Variants in CNTNAP3 observed in about 807,000 individuals in gnomAD.
The protein encoded by CNTNAP3 is contactin associated protein family member 3, also known as contactin-associated protein-like 3.
In CNTNAP3, 36 loss-of-function variants were observed where a neutral mutation model predicts 92.1. The ratio of observed to expected loss-of-function variants is 0.39; its 90% CI spans 0.30 to 0.52. The LOEUF is 0.52. Ranked by LOEUF, CNTNAP3 falls within the 20% of genes least tolerant of loss-of-function variation. CNTNAP3 has a pLI of 0.76. For synonymous variants in CNTNAP3, 232 were observed against 422.3 expected, an observed-to-expected ratio of 0.55 and a Z score of 5.53; for missense variants, 534 against 1,069.6, an observed-to-expected ratio of 0.50 and a Z score of 6.98.
At chr9:39,128,503 G>C (rs1456743222) in intron 13 of CNTNAP3, among the ~76,000 whole-genome samples, 1 of 151,434 alleles carries the variant, frequency 6.6e-6, no homozygotes, top group East Asian at 1.9e-4. Flanking sequence ...AAAGACATTT[G>C]ACAAAAATCC....
intron 20 of CNTNAP3, 79 bp downstream of exon 20, chr9:39,086,637 T>TTTAA (rs1587699362): frequency 6.9e-7 from 1 of 1,439,628 alleles, no homozygotes; most frequent in African/African-American, 1.5e-5. Flanking sequence ...TCTATTAATA[T>TTTAA]TATCAAATTT....
At position 39,066,577 on chromosome 9, in the gene CNTNAP3, G is replaced by A. The variant is rs1381469510; in HGVS notation, c.*7313C>T. Among the ~76,000 whole-genome samples the A allele has an allele frequency of 6.6e-6, 1 of 152,232 alleles. No individual in the cohort carries two copies. Among genetic ancestry groups the A allele is most frequent in the Non-Finnish European group, 1.5e-5 (1 of 68,036 alleles). On this transcript the variant is annotated 3_prime_UTR_variant, in exon 24 of 24. Transcript: ENST00000297668. ...TATTACTTTTAACTTTTCTATGTCT[G>A]AAAAATATCTTTGTTTCATCCTTTC...
chr9:39,086,598 T>C (rs1261299706), intron 20 of CNTNAP3, 118 bp downstream of exon 20: 14 of 1,304,258 alleles, frequency 1.1e-5, no homozygotes, highest in South Asian at 1.6e-5. Flanking sequence ...TCTTGACTTA[T>C]GGAAGAGCAG....
chr9:39,083,574 G>A (rs1375570296), intron 21 of CNTNAP3, among the ~76,000 whole-genome samples: 2 of 151,474 alleles, frequency 1.3e-5, no homozygotes, highest in Admixed American at 6.6e-5. Flanking sequence ...CAGGAGAATC[G>A]TGTGAACCTG....
At chr9:39,124,205 T>C (rs1272901336) in intron 13 of CNTNAP3, among the ~76,000 whole-genome samples, 1 of 152,126 alleles carries the variant, frequency 6.6e-6, no homozygotes, top group African/African-American at 2.4e-5. Flanking sequence ...TGAAGTGGAA[T>C]AGTGTTGTTT....
intron 21 of CNTNAP3, chr9:39,084,912 C>A (rs1459811930): frequency 6.6e-6 from 1 of 150,828 alleles, no homozygotes; most frequent in Non-Finnish European, 1.5e-5. Context: ...GATTTTTATA[C>A]CGTAAGTTAC....
At chr9:39,104,095 T>C (rs1378696050) in intron 15 of CNTNAP3, among the ~76,000 whole-genome samples, 181 bp from the exon 16 acceptor site, 3 of 152,100 alleles carry the variant, frequency 2.0e-5, no homozygotes, top group East Asian at 1.9e-4. Flanking sequence ...ATGGTGATTA[T>C]GGTGAGGATT....
chr9:39,070,359 G>A lies in CNTNAP3; in HGVS notation c.*3531C>T, dbSNP rs1161923088. On this transcript the variant is annotated 3_prime_UTR_variant, in exon 24 of 24. Transcript: ENST00000297668. Reference sequence around the variant, plus strand: ...AAGAGAATGAGATCCTGTCACTTGCGACAGCATGGATGGAACTGGAGGTCA... The same window carrying A: ...AAGAGAATGAGATCCTGTCACTTGCAACAGCATGGATGGAACTGGAGGTCA... 3.0e-5 allele frequency among the ~76,000 whole-genome samples: 4 copies of A among 131,868 alleles called. No individual in the cohort carries two copies. The highest frequency in any genetic ancestry group is 5.2e-4 in the South Asian group (2 of 3,838). 86.5% of individuals were successfully genotyped at this position (131,868 alleles called of 152,430 possible). A position where few individuals can be genotyped will look rare whatever the true frequency, so the allele number is the denominator to read the frequency against.
chr9:39,086,690 T>G lies in CNTNAP3; in HGVS notation c.3354+26A>C, dbSNP rs200008891. ...TTCTTAAAATAATAATATTAGTTAG[T>G]TTGACTTTTGCATTTGTGGGATTAC... On this transcript the variant is annotated intron_variant, in intron 20 of 23. Coordinates refer to ENST00000297668, the MANE Select transcript of CNTNAP3 (RefSeq NM_033655.5). 8,048 of 1,602,916 alleles carry G rather than the reference T, an allele frequency of 5.0e-3. 364 individuals carry two copies. In the South Asian group the frequency reaches 0.066, roughly 13 times the overall value.
intron 15 of CNTNAP3, among the ~76,000 whole-genome samples, chr9:39,105,954 G>A (rs1455278243): frequency 2.6e-5 from 4 of 151,746 alleles, no homozygotes; most frequent in Non-Finnish European, 5.9e-5. Context: ...GGATACCTCC[G>A]TTTTTAACCC....
rs1554651724 is a variant in CNTNAP3 at position 39,159,411 on chromosome 9, A to ATTTT, written c.1477+6518_1477+6521dup. On this transcript the variant is annotated intron_variant, in intron 9 of 23. Transcript: ENST00000297668. ...TAAAAAACATTTTATATATATATAT[A>ATTTT]TTTTTTTTTCCAGTGATTATCCTGC... 5.3e-3 allele frequency: 687 copies of ATTTT among 129,292 alleles called. 8 individuals are homozygous for ATTTT. The highest frequency in any genetic ancestry group is 0.019 in the African/African-American group (659 of 34,356). The allele number at this position is 129,292 out of a possible 1,614,324, so 8.0% of individuals were successfully genotyped here.
At position 39,064,912 on chromosome 9, in the gene CNTNAP3, A is replaced by C. The variant is rs1825478972; in HGVS notation, c.*8978T>G. On this transcript the variant is annotated 3_prime_UTR_variant, in exon 24 of 24. Coordinates refer to ENST00000297668, the MANE Select transcript of CNTNAP3 (RefSeq NM_033655.5). ...TTCCATTATGTAAATATGGTATGATAGAAATATAATATGCTGTGAAGTGAT... is the reference window on the plus strand; with the variant it reads ...TTCCATTATGTAAATATGGTATGATCGAAATATAATATGCTGTGAAGTGAT... 6.6e-6 allele frequency among the ~76,000 whole-genome samples: 1 copy of C among 152,048 alleles called. No individual in the cohort carries two copies. Among genetic ancestry groups the C allele is most frequent in the East Asian group, 1.9e-4 (1 of 5,198 alleles).
At chr9:39,116,011 C>T (rs559723661) in intron 14 of CNTNAP3, among the ~76,000 whole-genome samples, 12 of 152,006 alleles carry the variant, frequency 7.9e-5, no homozygotes, top group Non-Finnish European at 1.3e-4. Flanking sequence ...AAAAATTAGC[C>T]GGGTGTGGCA....
At chr9:39,127,081 A>C in intron 13 of CNTNAP3, among the ~76,000 whole-genome samples, 1 of 152,146 alleles carries the variant, frequency 6.6e-6, no homozygotes, top group East Asian at 1.9e-4. Flanking sequence ...TAATGGAATC[A>C]AACTGGAAAT....
chr9:39,099,669 A>G (rs925087019), intron 18 of CNTNAP3: 2 of 749,484 alleles, frequency 2.7e-6, no homozygotes, highest in African/African-American at 3.5e-5. Flanking sequence ...TTAGCATTGA[A>G]CAGATGCTAG....
chr9:39,166,277 ACT>A (rs1166998949), intron 8 of CNTNAP3, among the ~76,000 whole-genome samples: 1 of 24,494 alleles, frequency 4.1e-5, no homozygotes, highest in African/African-American at 1.5e-4. Flanking sequence ...TAAAAATATT[ACT>A]CTTTCTGAAG....
intron 19 of CNTNAP3, among the ~76,000 whole-genome samples, chr9:39,088,066 T>C (rs1826103095): frequency 6.6e-6 from 1 of 152,108 alleles, no homozygotes; most frequent in South Asian, 2.1e-4. Context: ...TCTATTTTGC[T>C]TAGAATGAGG....
At chr9:39,099,003 C>T (rs1436351305) in intron 18 of CNTNAP3, among the ~76,000 whole-genome samples, 1 of 151,222 alleles carries the variant, frequency 6.6e-6, no homozygotes, top group East Asian at 1.9e-4. Flanking sequence ...AAGACGGAGT[C>T]TCACTCTGCC....
Position 39,149,997 on chromosome 9 carries a change from T to C in CNTNAP3, c.1478-20A>G. 6.2e-7 allele frequency: 1 copy of C among 1,611,352 alleles called. No individual in the cohort carries two copies. The highest frequency in any genetic ancestry group is 1.1e-5 in the South Asian group (1 of 90,910). ...GGCAGCCTAAATATGAAGACAAAAA[T>C]AGGACAAAAGCAACAACTATGACAA... On this transcript the variant is annotated intron_variant, in intron 9 of 23. Coordinates refer to ENST00000297668, the MANE Select transcript of CNTNAP3 (RefSeq NM_033655.5).
Sources: gnomAD v4.1 joint callset for allele counts (sites outside exome capture counted in the v4.1 genomes callset) on GRCh38, gnomAD v4.1.1 for gene constraint, MANE v1.5 for transcripts, NCBI Gene and HGNC (gene_info 2026-07-23, HGNC 2026-07-21) for gene names.